The following GRID2 variants were observed in gnomAD, a reference collection of about 807,000 sequenced individuals.
The protein encoded by GRID2 is glutamate ionotropic receptor delta type subunit 2.
In GRID2, 33 loss-of-function variants were observed where a neutral mutation model predicts 114.8. The ratio of observed to expected loss-of-function variants is 0.29; its 90% CI spans 0.22 to 0.38. The LOEUF (loss-of-function observed/expected upper bound fraction) is 0.38. Among genes scored for constraint, GRID2 ranks in the 10% least tolerant of loss-of-function variants. GRID2 has a pLI of 1.00. For missense variants in GRID2, 1,184 were observed against 1,257.7 expected (o/e 0.94, Z 0.89); for synonymous variants, 505 against 449.9 (o/e 1.12, Z -1.55).
At chr4:92,590,372 C>T (rs1728652416) in intron 2 of GRID2, 86 bp downstream of exon 2, 2 of 933,740 alleles carry the variant, frequency 2.1e-6, no homozygotes, top group Admixed American at 4.4e-5. Flanking sequence ...TAAACATGGA[C>T]ATCATTTTTG....
intron 1 of GRID2, among the ~76,000 whole-genome samples, chr4:92,361,554 G>A (rs770177508): frequency 6.6e-6 from 1 of 151,924 alleles, no homozygotes; most frequent in Non-Finnish European, 1.5e-5. Context: ...ATACTCTGAA[G>A]GTGCCATCTG....
At chr4:93,352,910 A>G (rs1160794444) in intron 8 of GRID2, among the ~76,000 whole-genome samples, 1 of 151,950 alleles carries the variant, frequency 6.6e-6, no homozygotes, top group African/African-American at 2.4e-5. Flanking sequence ...TATCAGTTTG[A>G]TGGAATTTGA....
intron 2 of GRID2, among the ~76,000 whole-genome samples, chr4:92,880,180 G>C (rs1745909110): frequency 6.6e-6 from 1 of 152,166 alleles, no homozygotes; most frequent in African/African-American, 2.4e-5. Context: ...AGCAACTCAA[G>C]ATTAAGTAGA....
At chr4:92,746,357 G>C in intron 2 of GRID2, among the ~76,000 whole-genome samples, 1 of 152,148 alleles carries the variant, frequency 6.6e-6, no homozygotes, top group East Asian at 1.9e-4. Context: ...AAAATGCAAA[G>C]ATTTAGAAAG....
chr4:92,585,423 G>A (rs987398515), intron 1 of GRID2, among the ~76,000 whole-genome samples: 1 of 151,800 alleles, frequency 6.6e-6, no homozygotes, highest in African/African-American at 2.4e-5. Context: ...ATAAAGATCA[G>A]CTATCTTTGA....
chr4:92,754,396 G>C (rs921390235), intron 2 of GRID2, among the ~76,000 whole-genome samples: 1 of 152,088 alleles, frequency 6.6e-6, no homozygotes, highest in African/African-American at 2.4e-5. Context: ...ACGATCCCAG[G>C]TAATAGGGGC....
chr4:93,788,755 T>C (rs1734641372), intron 1 of GRID2, among the ~76,000 whole-genome samples: 1 of 152,200 alleles, frequency 6.6e-6, no homozygotes, highest in Admixed American at 6.5e-5. Flanking sequence ...TGTCAAAAAA[T>C]ATTTCCATAA....
chr4:92,384,433 AATATAT>A (rs372161362), intron 1 of GRID2, among the ~76,000 whole-genome samples: 685 of 30,172 alleles, frequency 0.023, 16 homozygotes, highest in Middle Eastern at 0.1. Context: ...TGTGTGTAGG[AATATAT>A]ATATATATAT....
intron 1 of GRID2, among the ~76,000 whole-genome samples, chr4:92,559,950 G>C (rs180985555): frequency 6.6e-6 from 1 of 152,162 alleles, no homozygotes. Context: ...AGTCACAAAA[G>C]AATCAAATCA....
intron 4 of GRID2, among the ~76,000 whole-genome samples, chr4:93,200,799 T>A (rs1424176423): frequency 1.3e-5 from 2 of 152,190 alleles, no homozygotes; most frequent in Non-Finnish European, 2.9e-5. Flanking sequence ...ATAGTCTACA[T>A]GTTCCAAACC....
chr4:92,474,551 A>T (rs1040836529), intron 1 of GRID2, among the ~76,000 whole-genome samples: 1 of 152,092 alleles, frequency 6.6e-6, no homozygotes, highest in African/African-American at 2.4e-5. Flanking sequence ...AGAATGCTGG[A>T]TCATAAGGTA....
chr4:92,839,976 T>G (rs1262248040), intron 2 of GRID2, among the ~76,000 whole-genome samples: 2 of 152,050 alleles, frequency 1.3e-5, no homozygotes, highest in African/African-American at 4.8e-5. Flanking sequence ...TCTAATAATA[T>G]TTCTGTTATA....
intron 2 of GRID2, among the ~76,000 whole-genome samples, chr4:92,940,900 G>A (rs946193542): frequency 6.6e-6 from 1 of 152,156 alleles, no homozygotes; most frequent in African/African-American, 2.4e-5. Flanking sequence ...AACCAGCCTT[G>A]CATCCCACGG....
intron 14 of GRID2, among the ~76,000 whole-genome samples, chr4:93,707,425 T>C (rs1223157295): frequency 1.3e-5 from 2 of 152,098 alleles, no homozygotes; most frequent in Admixed American, 1.3e-4. Flanking sequence ...TGCTTCAACC[T>C]TGGTAGGTTA....
chr4:93,578,672 C>A (rs1161964323), intron 13 of GRID2, among the ~76,000 whole-genome samples: 1 of 141,770 alleles, frequency 7.1e-6, no homozygotes, highest in Non-Finnish European at 1.5e-5. Context: ...TGGGTCACTG[C>A]AAGCTCCGCC....
chr4:92,701,528 A>T (rs949539841), intron 2 of GRID2, among the ~76,000 whole-genome samples: 3 of 152,220 alleles, frequency 2.0e-5, no homozygotes, highest in Non-Finnish European at 4.4e-5. Context: ...AAAGCAGTTG[A>T]ATAATTCAAA....
At chr4:93,111,332 T>G (rs1732741190) in intron 4 of GRID2, among the ~76,000 whole-genome samples, 1 of 152,188 alleles carries the variant, frequency 6.6e-6, no homozygotes, top group Admixed American at 6.6e-5. Flanking sequence ...AAAAAATAAT[T>G]ACTTGAATCA....
At chr4:92,337,061 T>A (rs1444809545) in intron 1 of GRID2, among the ~76,000 whole-genome samples, 1 of 149,708 alleles carries the variant, frequency 6.7e-6, no homozygotes, top group Non-Finnish European at 1.5e-5. Context: ...AATATGTCTC[T>A]CATGCTACTA....
At chr4:92,529,603 C>A (rs1047839086) in intron 1 of GRID2, among the ~76,000 whole-genome samples, 1 of 152,046 alleles carries the variant, frequency 6.6e-6, no homozygotes, top group Non-Finnish European at 1.5e-5. Context: ...AGTAAGCTTA[C>A]TGGGGAATGG....
Sources: allele counts gnomAD v4.1 joint callset (sites outside exome capture counted in the v4.1 genomes callset), GRCh38; gene constraint gnomAD v4.1.1; transcripts MANE v1.5; gene names NCBI Gene and HGNC (gene_info 2026-07-23, HGNC 2026-07-21).